PUSL1: variants seen among roughly 807,000 people sequenced by gnomAD.
PUSL1 encodes tRNA pseudouridine synthase-like 1.
Under a neutral mutation model 30.7 loss-of-function variants are expected in PUSL1, and 51 were observed. That is an observed-to-expected ratio of 1.66 (90% CI 1.33 to 2.10). PUSL1 has a LOEUF of 2.10. Ranked by LOEUF, PUSL1 falls within the 30% of genes most tolerant of loss-of-function variation. The pLI, the probability that PUSL1 is intolerant of heterozygous loss-of-function variation, is 0.00. For missense variants in PUSL1, 609 were observed against 427.6 expected (o/e 1.42, Z -3.74); for synonymous variants, 290 against 192.1 (o/e 1.51, Z -4.21).
Position 1,308,628 on chromosome 1 carries a change from C to G in PUSL1, c.-16C>G, listed in dbSNP as rs1374248915. 4.7e-6 allele frequency: 7 copies of G among 1,494,574 alleles called. No individual in the cohort carries two copies. The highest frequency in any genetic ancestry group is 1.5e-5 in the African/African-American group (1 of 68,816). The allele number at this position is 1,494,574 out of a possible 1,614,324, so 92.6% of individuals were successfully genotyped here. A position where few individuals can be genotyped will look rare whatever the true frequency, so the allele number is the denominator to read the frequency against. Reference sequence around the variant, plus strand: ...GCGCTGGAGGCCGCCTCTGACGCCACCGGCTGGGCTCCGCCATGAGTTCGG... The same window carrying G: ...GCGCTGGAGGCCGCCTCTGACGCCAGCGGCTGGGCTCCGCCATGAGTTCGG... On this transcript the variant is annotated 5_prime_UTR_variant, in exon 1 of 8. Coordinates refer to ENST00000379031, the MANE Select transcript of PUSL1 (RefSeq NM_153339.3).
At chr1:1,309,417 G>T in intron 3 of PUSL1, 37 bp from the exon 4 acceptor site, 1 of 1,553,112 alleles carries the variant, frequency 6.4e-7, no homozygotes, top group Non-Finnish European at 8.7e-7. Flanking sequence ...CGGGCGGGCG[G>T]GGTCGTTCCT....
rs1396705195 is a variant in PUSL1, at chr1:1,311,569, C to T, written c.*190C>T. 2 of 728,132 alleles carry T rather than the reference C, an allele frequency of 2.7e-6. No individual in the cohort carries two copies. Among genetic ancestry groups the T allele is most frequent in the South Asian group, 3.0e-5 (2 of 67,310 alleles). 45.1% of individuals were successfully genotyped at this position (728,132 alleles called of 1,614,324 possible). A position where few individuals can be genotyped will look rare whatever the true frequency, so the allele number is the denominator to read the frequency against. ...GGATGGGGCACAGTGCAGGACACAG[C>T]CATGTACACCAAGAAGAGAGTACCA... On this transcript the variant is annotated 3_prime_UTR_variant, in exon 8 of 8. Coordinates refer to ENST00000379031, the MANE Select transcript of PUSL1 (RefSeq NM_153339.3).
rs1641907150 is a variant in PUSL1 at position 1,308,715 on chromosome 1, C to T, written c.72C>T (p.Asp24=). 6.4e-7 allele frequency: 1 copy of T among 1,553,592 alleles called. No homozygotes were observed. Among genetic ancestry groups the T allele is most frequent in the Non-Finnish European group, 8.7e-7 (1 of 1,152,808 alleles). ...TGTACTTCCAGTACGTGGGCACCGA[C>T]TTTAAGTAGGTTTCCCAGGCGCAGC... ...YLVYFQYVGT[D]FNGVAAVRGT... Residue 24 remains aspartate (D), a synonymous_variant, in exon 1 of 8, where the codon GAC becomes GAT. Transcript: ENST00000379031.
chr1:1,309,564 C>G lies in PUSL1; in HGVS notation c.434C>G (p.Pro145Arg). 2 of 1,611,926 alleles carry G rather than the reference C, an allele frequency of 1.2e-6. No homozygotes were observed. Among genetic ancestry groups the G allele is most frequent in the Non-Finnish European group, 1.7e-6 (2 of 1,179,700 alleles). Reference protein sequence around the residue: ...ATGCHRRDELPVFERNLCWTL... With the variant: ...ATGCHRRDELRVFERNLCWTL... Reference sequence around the variant, plus strand: ...GGCTGTCACCGGCGTGATGAGCTGCCGGTGTTTGAACGCAACCTATGCTGG... The same window carrying G: ...GGCTGTCACCGGCGTGATGAGCTGCGGGTGTTTGAACGCAACCTATGCTGG... The change falls in exon 4 of 8, where the codon CCG becomes CGG. Residue 145 changes from proline (P) to arginine (R), a missense_variant. Coordinates refer to ENST00000379031, the MANE Select transcript of PUSL1 (RefSeq NM_153339.3).
intron 5 of PUSL1, chr1:1,310,244 G>C (rs534998930): frequency 8.2e-5 from 28 of 342,836 alleles, no homozygotes; most frequent in Non-Finnish European, 1.3e-4. Flanking sequence ...AGCCCTGAAG[G>C]GGGGAAGAAC....
At position 1,309,815 on chromosome 1, in the gene PUSL1, G is replaced by A; in HGVS notation, c.608G>A (p.Gly203Asp). ...CTGCGCCGGGTCTCCGTTTCCCCAG[G>A]CCAAGCCAGCCCCTTGGTCACCCCC... The part of the protein sequence containing the change: ...RTLRRVSVSP[G>D]QASPLVTPEE... Residue 203 changes from glycine to aspartate, a missense_variant, in exon 5 of 8, where the codon GGC becomes GAC. By Grantham distance (94) the Gly-to-Asp change is moderately conservative (BLOSUM62 -1). Coordinates refer to ENST00000379031, the MANE Select transcript of PUSL1 (RefSeq NM_153339.3). 6.5e-7 allele frequency: 1 copy of A among 1,548,676 alleles called. No homozygotes were observed. Among genetic ancestry groups the A allele is most frequent in the South Asian group, 1.2e-5 (1 of 84,102 alleles).
chr1:1,308,700 G>A lies in PUSL1; in HGVS notation c.57G>A (p.Gln19=), dbSNP rs1373506061. The A allele has an allele frequency of 1.9e-6, 3 of 1,559,216 alleles. No homozygotes were observed. Among genetic ancestry groups the A allele is most frequent in the Admixed American group, 3.7e-5 (2 of 53,864 alleles). ...GCGCGCGCTATCTTGTGTACTTCCA[G>A]TACGTGGGCACCGACTTTAAGTAGG... ...SVRARYLVYF[Q]YVGTDFNGVA... is the part of the protein sequence containing the mutation. Residue 19 remains glutamine (Q), a synonymous_variant, in exon 1 of 8, where the codon CAG becomes CAA. Transcript: ENST00000379031.
chr1:1,308,799 A>C, intron 1 of PUSL1, 79 bp downstream of exon 1: 4 of 1,438,402 alleles, frequency 2.8e-6, no homozygotes, highest in Non-Finnish European at 2.8e-6. Flanking sequence ...GGGCAGGCGG[A>C]TGTCTCTGGA....
chr1:1,309,302 G>A (rs200423383), intron 3 of PUSL1, 29 bp downstream of exon 3: 3 of 1,467,956 alleles, frequency 2.0e-6, no homozygotes, highest in African/African-American at 1.4e-5. Flanking sequence ...CAGCCCTGGG[G>A]CTGTGCCTTC....
Position 1,309,699 on chromosome 1 carries a change from C to T in PUSL1, c.492C>T (p.Ala164=), listed in dbSNP as rs1210787669. The part of the protein sequence containing the change: ...TLPADCLDMV[A]MQEAAQHLLG... ...CCTGAAGCTGCCTGGATATGGTCGCCATGCAGGAAGCCGCCCAGCACCTCC... is the reference window on the plus strand; with the variant it reads ...CCTGAAGCTGCCTGGATATGGTCGCTATGCAGGAAGCCGCCCAGCACCTCC... The change falls in exon 5 of 8, where the codon GCC becomes GCT. Residue 164 remains alanine (A), a synonymous_variant. Coordinates refer to ENST00000379031, the MANE Select transcript of PUSL1 (RefSeq NM_153339.3). 8 of 1,596,580 alleles carry T rather than the reference C, an allele frequency of 5.0e-6. No individual in the cohort carries two copies. Among genetic ancestry groups the T allele is most frequent in the East Asian group, 2.3e-5 (1 of 44,386 alleles).
chr1:1,310,954 T>G lies in PUSL1; in HGVS notation c.745T>G (p.Leu249Val). The G allele has an allele frequency of 6.2e-7, 1 of 1,605,172 alleles. No individual in the cohort carries two copies. The highest frequency in any genetic ancestry group is 1.7e-4 in the Middle Eastern group (1 of 6,048). ...GCTGGTGGCCGTGGGGCTGGGGGCT[T>G]TGGCACCTGCCCAGGTGAAGACGAT... ...AVLVAVGLGA[L>V]APAQVKTILE... The change falls in exon 7 of 8, where the codon TTG (leucine) becomes GTG (valine). Residue 249 changes from leucine to valine, a missense_variant. Leu to Val is a conservative substitution (Grantham distance 32). Coordinates refer to ENST00000379031, the MANE Select transcript of PUSL1 (RefSeq NM_153339.3).
rs761138251 is a variant in PUSL1 at position 1,311,373 on chromosome 1, C to T, written c.906C>T (p.His302=). 32 of 1,598,870 alleles carry T rather than the reference C, an allele frequency of 2.0e-5. No individual in the cohort carries two copies. In the South Asian group the frequency reaches 2.5e-4, roughly 12 times the overall value. The change falls in exon 8 of 8, where the codon CAC becomes CAT. Residue 302 remains histidine, a synonymous_variant. Transcript: ENST00000379031. ...TGCAGGGGCCACAGTTCGGGAGCCA[C>T]GGATGACCCTGGACACTCAAGCCAA... ...CTLQGPQFGS[H]G
Position 1,309,157 on chromosome 1 carries a change from C to G in PUSL1, c.207C>G (p.Val69=), listed in dbSNP as rs774267070. ...FTISSRTDAG[V]HALSNAAHLD... ...TCTCCAGCCGCACGGACGCCGGGGTCCACGCCCTGAGCAACGCGGCGCACC... is the reference window on the plus strand; with the variant it reads ...TCTCCAGCCGCACGGACGCCGGGGTGCACGCCCTGAGCAACGCGGCGCACC... The change falls in exon 3 of 8, where the codon GTC becomes GTG. Residue 69 remains valine, a synonymous_variant. Coordinates refer to ENST00000379031, the MANE Select transcript of PUSL1 (RefSeq NM_153339.3). 6.5e-7 allele frequency: 1 copy of G among 1,535,426 alleles called. No individual in the cohort carries two copies. Among genetic ancestry groups the G allele is most frequent in the South Asian group, 1.2e-5 (1 of 83,782 alleles).
Position 1,308,734 on chromosome 1 carries a change from G to A in PUSL1, c.77+14G>A, listed in dbSNP as rs1357236656. ...CACCGACTTTAAGTAGGTTTCCCAG[G>A]CGCAGCGGCGGGCGCCACGTGGGCC... On this transcript the variant is annotated intron_variant, in intron 1 of 7. Coordinates refer to ENST00000379031, the MANE Select transcript of PUSL1 (RefSeq NM_153339.3). 7 of 1,534,924 alleles carry A rather than the reference G, an allele frequency of 4.6e-6. No homozygotes were observed. The African/African-American group carries it at 8.6e-5, about 19-fold the overall frequency.
Position 1,311,017 on chromosome 1 carries a change from C to T in PUSL1, c.808C>T (p.Arg270Cys), listed in dbSNP as rs753524444. The T allele has an allele frequency of 1.1e-5, 17 of 1,612,546 alleles. No homozygotes were observed. The highest frequency in any genetic ancestry group is 1.6e-4 in the Middle Eastern group (1 of 6,078). The change falls in exon 7 of 8, where the codon CGT (arginine) becomes TGT (cysteine). Residue 270 changes from arginine to cysteine, a missense_variant. Physicochemically the swap from Arg to Cys is radical, Grantham distance 180 (BLOSUM62 -3). Transcript: ENST00000379031. ...AGATCCCCTGGGCAAGCACCAGACA[C>T]GTGTAGCCCCAGCCCACGGCTTATT... is the stretch of plus-strand genomic sequence containing the variant. ...SQDPLGKHQT[R>C]VAPAHGLFLK...
intron 1 of PUSL1, 27 bp downstream of exon 1, chr1:1,308,747 C>A: frequency 1.3e-6 from 2 of 1,504,632 alleles, no homozygotes; most frequent in Non-Finnish European, 1.8e-6. Flanking sequence ...CAGCGGCGGG[C>A]GCCACGTGGG....
rs1039682839 is a variant in PUSL1, at chr1:1,309,449, C to T, written c.324-5C>T. ...TCCTCCGGTGAGCTTTACCTGCCGC[C>T]ATAGGGTCCTGCGGGCCTTCCGAGT... is the stretch of plus-strand genomic sequence containing the variant. On this transcript the variant is annotated splice_region_variant and splice_polypyrimidine_tract_variant and intron_variant, in intron 3 of 7. Coordinates refer to ENST00000379031, the MANE Select transcript of PUSL1 (RefSeq NM_153339.3). 3 of 1,594,886 alleles carry T rather than the reference C, an allele frequency of 1.9e-6. No homozygotes were observed. The highest frequency in any genetic ancestry group is 3.4e-5 in the Admixed American group (2 of 58,518).
intron 6 of PUSL1, 88 bp from the exon 7 acceptor site, chr1:1,310,821 G>C (rs780188351): frequency 1.2e-6 from 2 of 1,612,308 alleles, no homozygotes; most frequent in Non-Finnish European, 1.7e-6. Context: ...GGTGGGTCAC[G>C]GGCGGCTCTG....
At chr1:1,309,310 T>A in intron 3 of PUSL1, 37 bp downstream of exon 3, 4 of 1,456,196 alleles carry the variant, frequency 2.7e-6, no homozygotes, top group Non-Finnish European at 3.6e-6. Flanking sequence ...GGGCTGTGCC[T>A]TCCCGACTCC....
Sources: allele counts gnomAD v4.1 joint callset, GRCh38; gene constraint gnomAD v4.1.1; transcripts MANE v1.5; gene names NCBI Gene and HGNC (gene_info 2026-07-23, HGNC 2026-07-21).